The following TAF9B variants were observed in gnomAD, a reference collection of about 807,000 sequenced individuals.
TAF9B encodes transcription initiation factor TFIID subunit 9B.
A neutral mutation model predicts 17.6 loss-of-function variants in TAF9B; 47 were observed. The ratio of observed to expected loss-of-function variants is 2.68; its 90% CI spans 2.12 to 3.41. The LOEUF is 3.41. Among genes scored for constraint, TAF9B ranks in the 30% most tolerant of loss-of-function variants. The pLI is 0.00. For missense variants in TAF9B, 218 were observed against 189.3 expected, an observed-to-expected ratio of 1.15 and a Z score of -0.89; for synonymous variants, 84 against 68.7, an observed-to-expected ratio of 1.22 and a Z score of -1.10.
At chrX:78,133,966 T>TG (rs1557249805) in intron 5 of TAF9B, among the ~76,000 whole-genome samples, 1 of 111,339 alleles carries the variant, frequency 9.0e-6, no homozygotes, top group Non-Finnish European at 1.9e-5. Flanking sequence ...CTTTTAATCT[T>TG]GGTCACCTGC....
At chrX:78,133,290 A>G (rs782206874) in intron 6 of TAF9B, 48 bp downstream of exon 6, 2 of 1,048,214 alleles carry the variant, frequency 1.9e-6, no homozygotes, top group Non-Finnish European at 2.7e-6. Flanking sequence ...ACGGTCCTAC[A>G]ATTTCAAATT....
In TAF9B at chrX:78,133,326, C is replaced by A; in HGVS notation, c.592+12G>T. 8.5e-7 allele frequency: 1 copy of A among 1,178,016 alleles called. No individual in the cohort carries two copies. Among genetic ancestry groups the A allele is most frequent in the Non-Finnish European group, 1.2e-6 (1 of 865,411 alleles). On this transcript the variant is annotated intron_variant, in intron 6 of 6. Coordinates refer to ENST00000341864, the MANE Select transcript of TAF9B (RefSeq NM_015975.5). Reference sequence around the variant, plus strand: ...ATTCACAAATTCTGTCCCCCACTCCCAATCACATTACCTGGTTTGACAGGT... The same window carrying A: ...ATTCACAAATTCTGTCCCCCACTCCAAATCACATTACCTGGTTTGACAGGT...
chrX:78,137,804 G>A lies in TAF9B; in HGVS notation c.350C>T (p.Pro117Leu). The change falls in exon 4 of 7, where the codon CCT (proline) becomes CTT (leucine). Residue 117 changes from proline (P) to leucine (L), a missense_variant. Transcript: ENST00000341864. ...IKPYAGPRLP[P>L]DRYCLTAPNY... ...TGGAGCTGTTAAGCAGTATCTATCA[G>A]GTGGCAGTCTAGGTCCTGCATATGG... 2 of 1,209,093 alleles carry A rather than the reference G, an allele frequency of 1.7e-6. No individual in the cohort carries two copies. Among genetic ancestry groups the A allele is most frequent in the Non-Finnish European group, 2.2e-6 (2 of 894,241 alleles).
chrX:78,131,816 T>C, intron 6 of TAF9B, 43 bp from the exon 7 acceptor site: 1 of 1,120,566 alleles, frequency 8.9e-7, no homozygotes, highest in Non-Finnish European at 1.2e-6. Flanking sequence ...AAGCTATGAA[T>C]TACCCAGAAT....
intron 4 of TAF9B, 51 bp downstream of exon 4, chrX:78,137,698 C>T (rs782138075): frequency 3.6e-6 from 4 of 1,107,332 alleles, no homozygotes; most frequent in African/African-American, 1.8e-5. Context: ...CACAAAGTCC[C>T]CTATCATATT....
intron 6 of TAF9B, among the ~76,000 whole-genome samples, chrX:78,132,374 T>C (rs1471733659): frequency 1.8e-5 from 2 of 111,756 alleles, no homozygotes; most frequent in African/African-American, 6.6e-5. Context: ...TAGTACAAGG[T>C]TGAAGAAGTT....
rs1557249262 is a variant in TAF9B at position 78,130,182 on chromosome X, T to C, written c.*1428A>G. 1 of 112,472 alleles carries C rather than the reference T, an allele frequency of 8.9e-6. No individual in the cohort carries two copies. The allele number at this position is 112,472 out of a possible 1,213,427, so 9.3% of individuals were successfully genotyped here. On this transcript the variant is annotated 3_prime_UTR_variant, in exon 7 of 7. Transcript: ENST00000341864. ...CTCTGTTACTGGACTTTCTTAGATA[T>C]ATCAAACACTATCCTAAGATGAAAC...
chrX:78,137,054 T>C lies in TAF9B; in HGVS notation c.406-64A>G, dbSNP rs2078436926. On this transcript the variant is annotated intron_variant, in intron 4 of 6. Transcript: ENST00000341864. ...CACCTAAATTTACCAGGAATGAAAT[T>C]AGGATTGCTGATGTAAATGATTATG... The C allele has an allele frequency of 1.9e-5, 16 of 828,469 alleles. No individual in the cohort carries two copies. In the South Asian group the frequency reaches 3.1e-4, roughly 16 times the overall value. 68.3% of individuals were successfully genotyped at this position (828,469 alleles called of 1,213,427 possible). A position where few individuals can be genotyped will look rare whatever the true frequency, so the allele number is the denominator to read the frequency against.
In TAF9B at chrX:78,131,298, G is replaced by T. The variant is rs1179586042; in HGVS notation, c.*312C>A. On this transcript the variant is annotated 3_prime_UTR_variant, in exon 7 of 7. Coordinates refer to ENST00000341864, the MANE Select transcript of TAF9B (RefSeq NM_015975.5). ...CAAAGATAAATCTGCTGACTAGGCT[G>T]TAGAATCTGAAACTTAAATGCTACT... 1.3e-5 allele frequency: 2 copies of T among 157,890 alleles called. No individual in the cohort carries two copies. Among genetic ancestry groups the T allele is most frequent in the Admixed American group, 1.6e-4 (2 of 12,434 alleles). 13.0% of individuals were successfully genotyped at this position (157,890 alleles called of 1,213,427 possible).
intron 5 of TAF9B, among the ~76,000 whole-genome samples, chrX:78,134,902 C>T: frequency 9.1e-6 from 1 of 110,389 alleles, no homozygotes; most frequent in Non-Finnish European, 1.9e-5. Context: ...ATGGAGCTTC[C>T]CCCAATTGAA....
chrX:78,134,955 ATTTTTTTT>A (rs569869340), intron 5 of TAF9B, among the ~76,000 whole-genome samples: 1 of 95,774 alleles, frequency 1.0e-5, no homozygotes, highest in African/African-American at 3.9e-5. Flanking sequence ...AATCATTTTA[ATTTTTTTT>A]TTTTTTTGAG....
At position 78,133,803 on chromosome X, in the gene TAF9B, G is replaced by A. The variant is rs782202256; in HGVS notation, c.482-355C>T. ...ATATCACCCATTTCATATAATTATTGTGAAAATTAAGTAAAAATAATCCCT... is the reference window on the plus strand; with the variant it reads ...ATATCACCCATTTCATATAATTATTATGAAAATTAAGTAAAAATAATCCCT... On this transcript the variant is annotated intron_variant, in intron 5 of 6. Coordinates refer to ENST00000341864, the MANE Select transcript of TAF9B (RefSeq NM_015975.5). Among the ~76,000 whole-genome samples the A allele has an allele frequency of 6.3e-5, 7 of 110,968 alleles. No homozygotes were observed. In the East Asian group the frequency reaches 2.0e-3, roughly 31 times the overall value.
intron 5 of TAF9B, among the ~76,000 whole-genome samples, chrX:78,135,960 A>T (rs781939241): frequency 8.9e-6 from 1 of 112,156 alleles, no homozygotes; most frequent in Admixed American, 9.4e-5. Flanking sequence ...TACAATGCTG[A>T]AATGCAAATT....
In TAF9B at chrX:78,133,441, T is replaced by C. The variant is rs782663534; in HGVS notation, c.489A>G (p.Pro163=). The part of the protein sequence containing the change: ...SKPTTPTIAT[P]QTVSVPNKVA... ...CTTTATTTGGGACAGACACCGTTTGTGGGGTTGCTGTAGTTACAATAAACA... is the reference window on the plus strand; with the variant it reads ...CTTTATTTGGGACAGACACCGTTTGCGGGGTTGCTGTAGTTACAATAAACA... The change falls in exon 6 of 7, where the codon CCA becomes CCG. Residue 163 remains proline, a synonymous_variant. Coordinates refer to ENST00000341864, the MANE Select transcript of TAF9B (RefSeq NM_015975.5). 1 of 1,202,339 alleles carries C rather than the reference T, an allele frequency of 8.3e-7. No individual in the cohort carries two copies. Among genetic ancestry groups the C allele is most frequent in the South Asian group, 1.8e-5 (1 of 56,754 alleles).
chrX:78,135,038 C>T (rs1403646723), intron 5 of TAF9B, among the ~76,000 whole-genome samples: 5 of 105,186 alleles, frequency 4.8e-5, no homozygotes, highest in African/African-American at 1.0e-4. Context: ...CTGTGACCTC[C>T]GCCTCTTGGG....
chrX:78,138,851 A>G lies in TAF9B; in HGVS notation c.125T>C (p.Phe42Ser). 1.7e-6 allele frequency: 2 copies of G among 1,204,968 alleles called. No homozygotes were observed. Among genetic ancestry groups the G allele is most frequent in the South Asian group, 1.8e-5 (1 of 56,690 alleles). The part of the protein sequence containing the change: ...EPRVINQMLE[F>S]AFRYVTTILD... ...GTGTTTCATTAACTTACGGAAAGCA[A>G]ATTCCAACATTTGATTTATAACCCT... The change falls in exon 2 of 7, where the codon TTT (phenylalanine) becomes TCT (serine). Residue 42 changes from phenylalanine to serine, a missense_variant. Coordinates refer to ENST00000341864, the MANE Select transcript of TAF9B (RefSeq NM_015975.5).
intron 5 of TAF9B, among the ~76,000 whole-genome samples, chrX:78,134,784 GA>G (rs1603399783): frequency 9.0e-6 from 1 of 111,021 alleles, no homozygotes; most frequent in Non-Finnish European, 1.9e-5. Flanking sequence ...ATTTTATAAA[GA>G]AAAAAGAAAA....
chrX:78,138,548 A>G (rs1414845636), intron 2 of TAF9B, among the ~76,000 whole-genome samples: 2 of 112,402 alleles, frequency 1.8e-5, no homozygotes, highest in African/African-American at 6.5e-5. Context: ...CACTTGAGTC[A>G]GTAGTTCGAG....
At chrX:78,134,791 G>A (rs2078427817) in intron 5 of TAF9B, among the ~76,000 whole-genome samples, 1 of 111,139 alleles carries the variant, frequency 9.0e-6, no homozygotes, top group Non-Finnish European at 1.9e-5. Flanking sequence ...AAAGAAAAAA[G>A]AAAACTCACA....
Sources: allele counts gnomAD v4.1 joint callset (sites outside exome capture counted in the v4.1 genomes callset), GRCh38; gene constraint gnomAD v4.1.1; transcripts MANE v1.5; gene names NCBI Gene and HGNC (gene_info 2026-07-23, HGNC 2026-07-21).